The following INSR variants were observed in gnomAD, a reference collection of about 807,000 sequenced individuals.
INSR encodes the protein insulin receptor, also known as IR.
Under a neutral mutation model 142.6 loss-of-function variants are expected in INSR, and 67 were observed. The ratio of observed to expected loss-of-function variants is 0.47; its 90% CI spans 0.39 to 0.58. The LOEUF (loss-of-function observed/expected upper bound fraction) is 0.58, where lower values mean the gene tolerates loss of function less well. Ranked by LOEUF, INSR falls within the 20% of genes least tolerant of loss-of-function variation. INSR has a pLI of 0.00. For synonymous variants in INSR, 756 were observed against 743.1 expected (o/e 1.02, Z -0.28); for missense variants, 1,248 against 1,833.2 (o/e 0.68, Z 5.83).
chr19:7,273,514 CTTTTTTTT>C (rs899836609), intron 1 of INSR, among the ~76,000 whole-genome samples: 1 of 142,896 alleles, frequency 7.0e-6, no homozygotes, highest in Non-Finnish European at 1.5e-5. Flanking sequence ...TTTCTTTTTT[CTTTTTTTT>C]TTTTTCTTTA....
chr19:7,198,272 G>A (rs1365244423), intron 2 of INSR, among the ~76,000 whole-genome samples: 14 of 151,438 alleles, frequency 9.2e-5, no homozygotes. Context: ...CCGCCCCCCG[G>A]GTGCGCCGGG....
intron 7 of INSR, 144 bp downstream of exon 7, chr19:7,167,824 G>A (rs967057783): frequency 9.9e-7 from 1 of 1,013,192 alleles, no homozygotes; most frequent in Non-Finnish European, 1.5e-6. Flanking sequence ...TGGTGAGATT[G>A]TAAAAAGGAA....
At position 7,125,367 on chromosome 19, in the gene INSR, C is replaced by T. The variant is rs141582849; in HGVS notation, c.3174G>A (p.Thr1058=). The T allele has an allele frequency of 8.6e-5, 139 of 1,614,088 alleles. 2 individuals carry two copies. Among genetic ancestry groups the T allele is most frequent in the African/African-American group, 3.6e-4 (27 of 75,032 alleles). ...GEAETRVAVK[T]VNESASLRER... is the part of the protein sequence containing the mutation. Reference sequence around the variant, plus strand: ...CTCGGAGACTGGCTGACTCGTTGACCGTCTTCACCGCCACGCGGGTCTCTG... The same window carrying T: ...CTCGGAGACTGGCTGACTCGTTGACTGTCTTCACCGCCACGCGGGTCTCTG... The change falls in exon 17 of 22, where the codon ACG becomes ACA. Residue 1058 remains threonine, a synonymous_variant. Transcript: ENST00000302850. The surrounding 1 kb of genome is among the most constrained non-coding windows in gnomAD (Gnocchi z 4.9).
At position 7,119,574 on chromosome 19, in the gene INSR, G is replaced by A. The variant is rs750713967; in HGVS notation, c.3669C>T (p.Gly1223=). ...FTTSSDMWSF[G]VVLWEITSLA... is the part of the protein sequence containing the mutation. ...AGCTGGTGATTTCCCAAAGGACCACGCCAAAGGACCTGCCGATGACAGTTG... is the reference window on the plus strand; with the variant it reads ...AGCTGGTGATTTCCCAAAGGACCACACCAAAGGACCTGCCGATGACAGTTG... The change falls in exon 21 of 22, where the codon GGC becomes GGT. Residue 1223 remains glycine, a synonymous_variant. Transcript: ENST00000302850. This position sits in a 1 kb window ranked among gnomAD's most constrained non-coding sequence, Gnocchi z 5.2. 54 of 1,613,762 alleles carry A rather than the reference G, an allele frequency of 3.3e-5. No individual in the cohort carries two copies. Among genetic ancestry groups the A allele is most frequent in the South Asian group, 1.1e-4 (10 of 91,086 alleles).
chr19:7,270,339 TCACACACACA>T (rs1178953100), intron 1 of INSR, among the ~76,000 whole-genome samples: 12 of 120,310 alleles, frequency 1.0e-4, no homozygotes, highest in African/African-American at 2.4e-4. Context: ...TCTCTCTCTC[TCACACACACA>T]CACACACACA....
chr19:7,200,046 C>T (rs542126304), intron 2 of INSR, among the ~76,000 whole-genome samples: 23 of 152,106 alleles, frequency 1.5e-4, no homozygotes, highest in African/African-American at 5.3e-4. Context: ...ATAAACAGTT[C>T]AGAGTTGATG....
intron 1 of INSR, chr19:7,268,490 G>A: frequency 7.1e-6 from 7 of 985,208 alleles, no homozygotes; most frequent in Non-Finnish European, 8.4e-6. Context: ...CCTGAAGGCG[G>A]TCCCTCCCAG....
rs59830751 is a variant in INSR at position 7,231,295 on chromosome 19, G to GTTTTTT, written c.652+36044_652+36049dup. 1.8e-4 allele frequency among the ~76,000 whole-genome samples: 24 copies of GTTTTTT among 134,910 alleles called. 1 individual carries two copies. Among genetic ancestry groups the GTTTTTT allele is most frequent in the East Asian group, 4.8e-4 (2 of 4,148 alleles). The allele number at this position is 134,910 out of a possible 152,430, so 88.5% of individuals were successfully genotyped here. ...TGTCTTGTTTTTGGTGGTGTTTTTT[G>GTTTTTT]TTTTTTTTTTTTTTTTTTTTTTTGA... On this transcript the variant is annotated intron_variant, in intron 2 of 21. Transcript: ENST00000302850.
intron 2 of INSR, among the ~76,000 whole-genome samples, chr19:7,252,326 C>T (rs1176126881): frequency 6.6e-6 from 1 of 151,896 alleles, no homozygotes; most frequent in Non-Finnish European, 1.5e-5. Flanking sequence ...GCAGGAGAAT[C>T]GCTTGAATCC....
rs1223338729 is a variant in INSR at position 7,192,952 on chromosome 19, C to T, written c.653-8315G>A. On this transcript the variant is annotated intron_variant, in intron 2 of 21. Transcript: ENST00000302850. The surrounding 1 kb of genome is among the most constrained non-coding windows in gnomAD (Gnocchi z 4.2). ...GAAAGGAGACCGCTGTGTCAGAGTC[C>T]TCTGGTGGACCCTCCCCAAGAAAGA... Among the ~76,000 whole-genome samples, 3 of 152,088 alleles carry T rather than the reference C, an allele frequency of 2.0e-5. No individual in the cohort carries two copies. The East Asian group carries it at 5.8e-4, about 29-fold the overall frequency.
intron 2 of INSR, among the ~76,000 whole-genome samples, chr19:7,189,330 A>T (rs1326627408): frequency 6.6e-6 from 1 of 152,166 alleles, no homozygotes; most frequent in Non-Finnish European, 1.5e-5. Flanking sequence ...AAATTATCCA[A>T]CCATTGCAAA....
At position 7,192,188 on chromosome 19, in the gene INSR, AAAAG is replaced by A. The variant is rs1214871864; in HGVS notation, c.653-7555_653-7552del. ...AAAGAAAGACAGAGAAAGAAAAGAA[AAAAG>A]AAAGAAAAAGAAAGAAAGGAGAAAG... On this transcript the variant is annotated intron_variant, in intron 2 of 21. Transcript: ENST00000302850. This position sits in a 1 kb window ranked among gnomAD's most constrained non-coding sequence, Gnocchi z 4.2. 6.7e-5 allele frequency among the ~76,000 whole-genome samples: 10 copies of A among 150,060 alleles called. 1 individual carries two copies. The highest frequency in any genetic ancestry group is 1.5e-4 in the Non-Finnish European group (10 of 67,416).
intron 2 of INSR, among the ~76,000 whole-genome samples, chr19:7,249,484 G>A (rs780828368): frequency 1.3e-5 from 2 of 152,094 alleles, no homozygotes; most frequent in African/African-American, 2.4e-5. Context: ...CCGTTTTACC[G>A]CAGAACCGAA....
intron 2 of INSR, among the ~76,000 whole-genome samples, chr19:7,222,483 T>C (rs1453198440): frequency 1.3e-5 from 2 of 152,076 alleles, no homozygotes; most frequent in Non-Finnish European, 2.9e-5. Flanking sequence ...AGCATCAAAC[T>C]CCTGCGGTCA....
intron 2 of INSR, among the ~76,000 whole-genome samples, chr19:7,265,244 C>T (rs1164259037): frequency 1.3e-5 from 2 of 152,160 alleles, no homozygotes; most frequent in African/African-American, 2.4e-5. Flanking sequence ...ATGATCAGAA[C>T]AGTCACCGCT....
In INSR at chr19:7,125,368, G is replaced by A. The variant is rs778982272; in HGVS notation, c.3173C>T (p.Thr1058Met). The A allele has an allele frequency of 2.0e-5, 33 of 1,614,074 alleles. No individual in the cohort carries two copies. Among genetic ancestry groups the A allele is most frequent in the African/African-American group, 9.3e-5 (7 of 75,030 alleles). ...TCGGAGACTGGCTGACTCGTTGACCGTCTTCACCGCCACGCGGGTCTCTGC... is the reference window on the plus strand; with the variant it reads ...TCGGAGACTGGCTGACTCGTTGACCATCTTCACCGCCACGCGGGTCTCTGC... Reference protein sequence around the residue: ...GEAETRVAVKTVNESASLRER... With the variant: ...GEAETRVAVKMVNESASLRER... Residue 1058 changes from threonine to methionine, a missense_variant, in exon 17 of 22, where the codon ACG becomes ATG. Transcript: ENST00000302850. The surrounding 1 kb of genome is among the most constrained non-coding windows in gnomAD (Gnocchi z 4.9).
At chr19:7,179,773 T>C (rs928361102) in intron 3 of INSR, among the ~76,000 whole-genome samples, 1 of 152,246 alleles carries the variant, frequency 6.6e-6, no homozygotes, top group Non-Finnish European at 1.5e-5. Context: ...GCTGCCGGTA[T>C]ACATGAGTGA....
At position 7,114,117 on chromosome 19, in the gene INSR, T is replaced by G. The variant is rs577095336; in HGVS notation, c.*2939A>C. The G allele has an allele frequency of 6.8e-6, 1 of 147,324 alleles. No individual in the cohort carries two copies. The highest frequency in any genetic ancestry group is 1.5e-5 in the Non-Finnish European group (1 of 67,358). The allele number at this position is 147,324 out of a possible 1,614,324, so 9.1% of individuals were successfully genotyped here. On this transcript the variant is annotated 3_prime_UTR_variant, in exon 22 of 22. Transcript: ENST00000302850. ...GTTTTGGATTGGAATTTCCCTCACA[T>G]GCTCCCATCCCACTTGGAGAATTTA...
intron 2 of INSR, among the ~76,000 whole-genome samples, chr19:7,259,800 C>T (rs978197244): frequency 2.1e-5 from 3 of 146,294 alleles, no homozygotes; most frequent in Non-Finnish European, 4.5e-5. Flanking sequence ...GCCTGGACAA[C>T]AGAGCGAGAC....
Sources: allele counts gnomAD v4.1 joint callset (sites outside exome capture counted in the v4.1 genomes callset), GRCh38; gene constraint gnomAD v4.1.1; non-coding constraint Gnocchi (gnomAD v3.1); transcripts MANE v1.5; gene names NCBI Gene and HGNC (gene_info 2026-07-23, HGNC 2026-07-21).